The following OPA1 variants were observed in gnomAD, a reference collection of about 807,000 sequenced individuals.
OPA1 encodes OPA1 mitochondrial dynamin like GTPase.
In OPA1, 59 loss-of-function variants were observed where a neutral mutation model predicts 152.9. That is an observed-to-expected ratio of 0.39 (90% confidence interval 0.31 to 0.48). OPA1 has a LOEUF of 0.48. Among genes scored for constraint, OPA1 ranks in the 20% least tolerant of loss-of-function variants. OPA1 has a pLI of 0.96. For synonymous variants in OPA1, 400 were observed against 389.9 expected, an observed-to-expected ratio of 1.03 and a Z score of -0.31; for missense variants, 1,008 against 1,216.8, an observed-to-expected ratio of 0.83 and a Z score of 2.55.
intron 29 of OPA1, among the ~76,000 whole-genome samples, chr3:193,675,365 GAAT>G (rs1187909751): frequency 5.8e-5 from 8 of 137,730 alleles, no homozygotes; most frequent in Admixed American, 5.2e-4. Context: ...CAATCAAGAA[GAAT>G]AGAGCAGGGT....
intron 1 of OPA1, among the ~76,000 whole-genome samples, chr3:193,602,151 C>CTT (rs1431572954): frequency 6.6e-6 from 1 of 152,192 alleles, no homozygotes; most frequent in African/African-American, 2.4e-5. Flanking sequence ...ATGCTGTCTG[C>CTT]TTCTGGGAAG....
At chr3:193,664,439 G>C (rs890719320) in intron 26 of OPA1, among the ~76,000 whole-genome samples, 1 of 151,638 alleles carries the variant, frequency 6.6e-6, no homozygotes, top group African/African-American at 2.4e-5. Context: ...ATATTGGTAT[G>C]GTAGCAGTAA....
At chr3:193,616,038 C>T (rs1728960795) in intron 3 of OPA1, among the ~76,000 whole-genome samples, 1 of 152,132 alleles carries the variant, frequency 6.6e-6, no homozygotes, top group African/African-American at 2.4e-5. Context: ...TCGATTGAGA[C>T]AGGATCTTGC....
chr3:193,655,734 C>G (rs907854307), intron 22 of OPA1, among the ~76,000 whole-genome samples: 2 of 152,134 alleles, frequency 1.3e-5, no homozygotes, highest in Non-Finnish European at 2.9e-5. Flanking sequence ...AGGGAATGGA[C>G]CTGCTGTTAT....
chr3:193,668,483 A>G (rs1159653082), intron 29 of OPA1: 4 of 1,550,796 alleles, frequency 2.6e-6, no homozygotes, highest in South Asian at 1.2e-5. Context: ...GCTTTGTGCC[A>G]GGTGCCTCTC....
At chr3:193,682,266 G>C (rs765416221) in intron 29 of OPA1, among the ~76,000 whole-genome samples, 1 of 152,224 alleles carries the variant, frequency 6.6e-6, no homozygotes, top group Non-Finnish European at 1.5e-5. Context: ...CGAAAGCTGA[G>C]AGGTGAGGAA....
At chr3:193,666,489 GATTT>G (rs1426289563) in intron 28 of OPA1, 100 bp downstream of exon 28, 14 of 1,001,540 alleles carry the variant, frequency 1.4e-5, no homozygotes, top group Non-Finnish European at 1.7e-5. Flanking sequence ...CCCAAAAGTA[GATTT>G]ATTAGAAAAA....
At chr3:193,629,125 C>G (rs1285494099) in intron 7 of OPA1, among the ~76,000 whole-genome samples, 8 of 151,950 alleles carry the variant, frequency 5.3e-5, no homozygotes, top group Non-Finnish European at 1.0e-4. Context: ...GTTGGTCAGG[C>G]TGGTCTCGAA....
chr3:193,693,218 A>C (rs1411705771), intron 30 of OPA1, among the ~76,000 whole-genome samples: 1 of 152,272 alleles, frequency 6.6e-6, no homozygotes, highest in African/African-American at 2.4e-5. Flanking sequence ...TTGAGAAAGC[A>C]GGGTGGAAAG....
At chr3:193,608,480 C>T (rs1432545141) in intron 1 of OPA1, among the ~76,000 whole-genome samples, 1 of 152,186 alleles carries the variant, frequency 6.6e-6, no homozygotes, top group Non-Finnish European at 1.5e-5. Flanking sequence ...CATTCAGGAG[C>T]AGGTTGTTCA....
At chr3:193,628,353 A>T (rs1448196331) in intron 7 of OPA1, among the ~76,000 whole-genome samples, 1 of 152,092 alleles carries the variant, frequency 6.6e-6, no homozygotes, top group South Asian at 2.1e-4. Context: ...CTTCCTATGG[A>T]TATGTTCACA....
At chr3:193,654,717 C>T (rs1713381088) in intron 21 of OPA1, 145 bp from the exon 22 acceptor site, 1 of 743,936 alleles carries the variant, frequency 1.3e-6, no homozygotes, top group African/African-American at 1.8e-5. Context: ...TTGACTGGTG[C>T]GATTTACAGG....
chr3:193,670,388 C>CTTTTTTTTTTTTTTTTTTTTTT (rs35561884), intron 29 of OPA1, among the ~76,000 whole-genome samples: 1 of 140,656 alleles, frequency 7.1e-6, no homozygotes, highest in African/African-American at 2.6e-5. Context: ...TCCCCCCCAC[C>CTTTTTTTTTTTTTTTTTTTTTT]TTTTTTTTTT....
intron 30 of OPA1, among the ~76,000 whole-genome samples, chr3:193,693,430 A>G (rs1383484033): frequency 6.6e-6 from 1 of 152,188 alleles, no homozygotes; most frequent in Non-Finnish European, 1.5e-5. Context: ...ACTTGAGGTC[A>G]GGAGTTGGAG....
intron 1 of OPA1, among the ~76,000 whole-genome samples, chr3:193,605,043 A>G (rs920290332): frequency 6.6e-6 from 1 of 152,130 alleles, no homozygotes; most frequent in Non-Finnish European, 1.5e-5. Flanking sequence ...AGGAAACTGT[A>G]GTGTCATTAA....
At chr3:193,664,805 T>C in intron 26 of OPA1, 75 bp from the exon 27 acceptor site, 2 of 832,850 alleles carry the variant, frequency 2.4e-6, no homozygotes, top group Non-Finnish European at 4.1e-6. Context: ...ATATAATTTT[T>C]GTACAACTTC....
At position 193,658,803 on chromosome 3, in the gene OPA1, T is replaced by C. The variant is rs118075334; in HGVS notation, c.2332-84T>C. Reference sequence around the variant, plus strand: ...TTATATACATGGTTATTTTTCCATATTTACTAAGCTGTCAATTTGAATAAA... The same window carrying C: ...TTATATACATGGTTATTTTTCCATACTTACTAAGCTGTCAATTTGAATAAA... On this transcript the variant is annotated intron_variant, in intron 23 of 30. Transcript: ENST00000361510. The C allele has an allele frequency of 2.9e-3, 2,685 of 923,070 alleles. 35 individuals carry two copies. The highest frequency in any genetic ancestry group is 0.025 in the Admixed American group (1,424 of 57,286). The allele number at this position is 923,070 out of a possible 1,614,324, so 57.2% of individuals were successfully genotyped here. A position where few individuals can be genotyped will look rare whatever the true frequency, so the allele number is the denominator to read the frequency against.
chr3:193,627,708 C>T (rs1406767337), intron 7 of OPA1, among the ~76,000 whole-genome samples: 1 of 152,100 alleles, frequency 6.6e-6, no homozygotes, highest in Admixed American at 6.5e-5. Context: ...AAGAGATATC[C>T]ATAATGAATA....
chr3:193,615,176 G>GT (rs1728827959), intron 2 of OPA1, 135 bp downstream of exon 2: 8 of 743,892 alleles, frequency 1.1e-5, no homozygotes, highest in Non-Finnish European at 1.8e-5. Flanking sequence ...GGACTAGATT[G>GT]TTTTAATGAT....
Sources: gnomAD v4.1 joint callset for allele counts (sites outside exome capture counted in the v4.1 genomes callset) on GRCh38, gnomAD v4.1.1 for gene constraint, MANE v1.5 for transcripts, NCBI Gene and HGNC (gene_info 2026-07-23, HGNC 2026-07-21) for gene names.